Variants in SV2C observed in about 807,000 individuals in gnomAD.
SV2C encodes the protein solute carrier family 22 member B3.
A neutral mutation model predicts 79.7 loss-of-function variants in SV2C; 49 were observed. That is an observed-to-expected ratio of 0.61 (90% confidence interval 0.49 to 0.78). The LOEUF (loss-of-function observed/expected upper bound fraction) is 0.78, where lower values mean the gene tolerates loss of function less well. Ranked by LOEUF, SV2C falls within the 30% of genes least tolerant of loss-of-function variation. The pLI is 0.00. For synonymous variants in SV2C, 334 were observed against 333.2 expected (o/e 1.00, Z -0.03); for missense variants, 833 against 912.9 (o/e 0.91, Z 1.13).
intron 2 of SV2C, among the ~76,000 whole-genome samples, chr5:76,179,888 T>C (rs1201725441): frequency 1.3e-5 from 2 of 152,238 alleles, no homozygotes; most frequent in East Asian, 3.8e-4. Flanking sequence ...TACTGGAATC[T>C]ATTATGATCT....
chr5:75,931,957 G>A, the SV2C span, among the ~76,000 whole-genome samples: 1 of 152,104 alleles, frequency 6.6e-6, no homozygotes, highest in Admixed American at 6.6e-5. Flanking sequence ...CCTCTTGACT[G>A]GTTTCTCTGT....
chr5:76,047,766 C>CTTT, the SV2C span, among the ~76,000 whole-genome samples: 20 of 129,266 alleles, frequency 1.5e-4, 1 homozygote, highest in African/African-American at 4.0e-4. Flanking sequence ...TTTTTCTTTT[C>CTTT]TTTTTTTTTT....
chr5:76,130,853 G>C (rs1023920315), intron 1 of SV2C, among the ~76,000 whole-genome samples: 1 of 152,118 alleles, frequency 6.6e-6, no homozygotes, highest in Non-Finnish European at 1.5e-5. Flanking sequence ...TGGGTATCCA[G>C]AGATGAAGAA....
chr5:76,163,234 C>T (rs1742948294), intron 2 of SV2C, among the ~76,000 whole-genome samples: 1 of 151,812 alleles, frequency 6.6e-6, no homozygotes, highest in African/African-American at 2.4e-5. Context: ...ATAATGAAAA[C>T]CGAATTAGAC....
chr5:75,874,748 T>C, the SV2C span, among the ~76,000 whole-genome samples: 3 of 151,998 alleles, frequency 2.0e-5, no homozygotes, highest in Non-Finnish European at 4.4e-5. Flanking sequence ...TCACTAGTGT[T>C]CCCATACACC....
chr5:75,988,633 G>A, the SV2C span, among the ~76,000 whole-genome samples: 1 of 151,922 alleles, frequency 6.6e-6, no homozygotes, highest in Non-Finnish European at 1.5e-5. Flanking sequence ...CCATGGAAGA[G>A]CACACTGGTC....
chr5:76,121,685 G>T (rs1454666977), intron 1 of SV2C, among the ~76,000 whole-genome samples: 3 of 151,800 alleles, frequency 2.0e-5, no homozygotes, highest in South Asian at 2.1e-4. Flanking sequence ...TTGTAGATAT[G>T]CGGCGTTATT....
At chr5:76,228,409 C>T (rs7446136) in intron 4 of SV2C, among the ~76,000 whole-genome samples, 13 of 152,144 alleles carry the variant, frequency 8.5e-5, no homozygotes, top group African/African-American at 3.1e-4. Context: ...GGAGAGGCTT[C>T]AGAAAATCAG....
intron 12 of SV2C, among the ~76,000 whole-genome samples, chr5:76,301,858 A>T (rs897337466): frequency 2.0e-5 from 3 of 150,266 alleles, no homozygotes; most frequent in Non-Finnish European, 4.4e-5. Context: ...GTGGTGAGCC[A>T]AGATCACACC....
chr5:76,190,203 T>C (rs1193252742), intron 2 of SV2C, among the ~76,000 whole-genome samples: 1 of 152,220 alleles, frequency 6.6e-6, no homozygotes, highest in African/African-American at 2.4e-5. Context: ...TGTTAAAGCA[T>C]AGTCAGGACC....
chr5:76,063,885 T>C, the SV2C span, among the ~76,000 whole-genome samples: 61 of 152,322 alleles, frequency 4.0e-4, 3 homozygotes, highest in East Asian at 9.8e-3. Flanking sequence ...TGAGGAGATA[T>C]AAACAACATT....
rs759122441 is a variant in SV2C, at chr5:76,332,479, TAGATA to T, written c.*6934_*6938del. On this transcript the variant is annotated 3_prime_UTR_variant, in exon 13 of 13. Transcript: ENST00000502798. ...CTATTACTAAAAAATTAAATAAGAT[TAGATA>T]AATTATAGCTAAAAGCAAAGGCAAC... 12 of 152,308 alleles carry T rather than the reference TAGATA, an allele frequency of 7.9e-5. No individual in the cohort carries two copies. In the South Asian group the frequency reaches 1.9e-3, roughly 24 times the overall value. The allele number at this position is 152,308 out of a possible 1,614,324, so 9.4% of individuals were successfully genotyped here. A position where few individuals can be genotyped will look rare whatever the true frequency, so the allele number is the denominator to read the frequency against.
intron 4 of SV2C, among the ~76,000 whole-genome samples, chr5:76,247,383 A>G (rs1046008213): frequency 1.3e-5 from 2 of 152,228 alleles, no homozygotes; most frequent in Non-Finnish European, 2.9e-5. Context: ...TTCATGCTTT[A>G]TTCATCTGTA....
chr5:76,347,144 C>A (rs1191341359), intron 12 of SV2C, among the ~76,000 whole-genome samples: 3 of 152,070 alleles, frequency 2.0e-5, no homozygotes, highest in Non-Finnish European at 4.4e-5. Flanking sequence ...GCCAAATTGA[C>A]GGCACGCTCA....
chr5:76,044,037 C>A, the SV2C span, among the ~76,000 whole-genome samples: 8 of 152,110 alleles, frequency 5.3e-5, no homozygotes, highest in Non-Finnish European at 2.9e-5. Flanking sequence ...CATGCATTAG[C>A]TATTTATCCT....
At chr5:75,992,004 C>G in the SV2C span, among the ~76,000 whole-genome samples, 1 of 151,718 alleles carries the variant, frequency 6.6e-6, no homozygotes, top group African/African-American at 2.4e-5. Flanking sequence ...TTTTTCCAGG[C>G]AAATTTTAGA....
intron 6 of SV2C, among the ~76,000 whole-genome samples, chr5:76,290,240 C>A (rs929287912): frequency 8.5e-5 from 13 of 152,164 alleles, no homozygotes; most frequent in African/African-American, 3.1e-4. Flanking sequence ...CCAGAAAGAA[C>A]CTACTGCCTA....
chr5:76,262,639 C>T (rs1253903359), intron 4 of SV2C, among the ~76,000 whole-genome samples: 1 of 152,186 alleles, frequency 6.6e-6, no homozygotes, highest in African/African-American at 2.4e-5. Context: ...TCTGTTTATT[C>T]TCATTGGTTT....
At chr5:76,351,883 G>A (rs1021756055) in intron 12 of SV2C, among the ~76,000 whole-genome samples, 2 of 151,986 alleles carry the variant, frequency 1.3e-5, no homozygotes, top group Non-Finnish European at 2.9e-5. Flanking sequence ...CATCATCAAG[G>A]GATTGTACTT....
Sources: allele counts gnomAD v4.1 joint callset (sites outside exome capture counted in the v4.1 genomes callset), GRCh38; gene constraint gnomAD v4.1.1; transcripts MANE v1.5; gene names NCBI Gene and HGNC (gene_info 2026-07-23, HGNC 2026-07-21).